The following HIVEP3 variants were observed in gnomAD, a reference collection of about 807,000 sequenced individuals.
HIVEP3 encodes the protein transcription factor HIVEP3.
A neutral mutation model predicts 152.8 loss-of-function variants in HIVEP3; 49 were observed. That is an observed-to-expected ratio of 0.32 (90% CI 0.26 to 0.41). The LOEUF (loss-of-function observed/expected upper bound fraction) is 0.41. Among genes scored for constraint, HIVEP3 ranks in the 10% least tolerant of loss-of-function variants. HIVEP3 has a pLI of 1.00. For missense variants in HIVEP3, 2,790 were observed against 3,103.3 expected, an observed-to-expected ratio of 0.90 and a Z score of 2.40; for synonymous variants, 1,269 against 1,289.0, an observed-to-expected ratio of 0.98 and a Z score of 0.33.
intron 5 of HIVEP3, among the ~76,000 whole-genome samples, chr1:41,561,890 C>T (rs1001925): frequency 0.21 from 32,390 of 151,978 alleles, 3,599 homozygotes; most frequent in Non-Finnish European, 0.27. Context: ...TATGATGTGC[C>T]GTCCACACAT....
chr1:41,599,143 G>T (rs558284924), intron 3 of HIVEP3, among the ~76,000 whole-genome samples: 3 of 152,158 alleles, frequency 2.0e-5, no homozygotes, highest in Non-Finnish European at 4.4e-5. Flanking sequence ...CAAGAAAAAT[G>T]CATCTGATAG....
At chr1:41,642,175 C>T (rs1645383993) in intron 2 of HIVEP3, among the ~76,000 whole-genome samples, 1 of 152,242 alleles carries the variant, frequency 6.6e-6, no homozygotes, top group Non-Finnish European at 1.5e-5. Context: ...GCCCAGCCCA[C>T]CGATCCATAG....
At chr1:41,694,801 A>G (rs1646247985) in intron 2 of HIVEP3, among the ~76,000 whole-genome samples, 1 of 152,088 alleles carries the variant, frequency 6.6e-6, no homozygotes. Flanking sequence ...AAGATACAAC[A>G]CCCTGAAAGT....
chr1:41,582,471 C>T lies in HIVEP3; in HGVS notation c.2327G>A (p.Arg776Lys). ...SLEGPTGFQP[R>K]TPKPGSGSES... ...TGAACCGGACCCTGGCTTGGGAGTC[C>T]TTGGCTGGAAGCCCGTGGGTCCCTC... The change falls in exon 4 of 9, where the codon AGG becomes AAG. Residue 776 changes from arginine to lysine, a missense_variant. Arg to Lys is a conservative substitution (Grantham distance 26). This residue lies in a region of HIVEP3 where 339 missense variants were observed against 327.0 expected (regional missense o/e 1.04). Coordinates refer to ENST00000372583, the MANE Select transcript of HIVEP3 (RefSeq NM_024503.5). This position sits in a 1 kb window ranked among gnomAD's most constrained non-coding sequence, Gnocchi z 4.7. 6.2e-7 allele frequency: 1 copy of T among 1,613,468 alleles called. No homozygotes were observed. The highest frequency in any genetic ancestry group is 8.5e-7 in the Non-Finnish European group (1 of 1,179,466).
upstream of HIVEP3, among the ~76,000 whole-genome samples, chr1:41,920,577 GT>G (rs10708045): frequency 0.33 from 40,813 of 122,894 alleles, 7,132 homozygotes; most frequent in African/African-American, 0.52. Context: ...AAACAAGATG[GT>G]TTTTTTTTTT....
In HIVEP3 at chr1:41,579,419, A is replaced by C. The variant is rs530512437; in HGVS notation, c.5061+318T>G. Among the ~76,000 whole-genome samples the C allele has an allele frequency of 8.3e-4, 127 of 152,114 alleles. 1 individual carries two copies. The highest frequency in any genetic ancestry group is 2.6e-3 in the African/African-American group (107 of 41,334). On this transcript the variant is annotated intron_variant, in intron 4 of 8. Coordinates refer to ENST00000372583, the MANE Select transcript of HIVEP3 (RefSeq NM_024503.5). Reference sequence around the variant, plus strand: ...TCCTGTTAGCCAAGTTTTCCAACTCAGTCTTTTGGAAAATTTCTTTTTTTT... The same window carrying C: ...TCCTGTTAGCCAAGTTTTCCAACTCCGTCTTTTGGAAAATTTCTTTTTTTT...
At chr1:41,930,846 G>A (rs1198085536) in intron 1 of HIVEP3, among the ~76,000 whole-genome samples, 1 of 151,924 alleles carries the variant, frequency 6.6e-6, no homozygotes. Context: ...AGTTCATTGT[G>A]GTTTTAACTT....
chr1:41,617,758 G>C (rs74383844), intron 3 of HIVEP3, among the ~76,000 whole-genome samples: 3,717 of 152,308 alleles, frequency 0.024, 159 homozygotes, highest in African/African-American at 0.085. Flanking sequence ...TCCTGAGAAA[G>C]AGACCCTTTG....
At chr1:41,695,850 C>T (rs570741406) in intron 2 of HIVEP3, among the ~76,000 whole-genome samples, 10 of 152,306 alleles carry the variant, frequency 6.6e-5, no homozygotes, top group South Asian at 6.2e-4. Context: ...ATAATCCCAA[C>T]GTAAGGAATC....
intron 1 of HIVEP3, among the ~76,000 whole-genome samples, chr1:41,977,315 G>A (rs949546590): frequency 6.6e-6 from 1 of 152,160 alleles, no homozygotes; most frequent in Non-Finnish European, 1.5e-5. Flanking sequence ...AGAGGCTCCA[G>A]GTGGTTCTTC....
intron 1 of HIVEP3, among the ~76,000 whole-genome samples, chr1:41,888,326 A>G (rs1644383900): frequency 6.7e-6 from 1 of 150,374 alleles, no homozygotes; most frequent in South Asian, 2.1e-4. Context: ...TGCTCGGATT[A>G]CAGGCATGAG....
At chr1:41,921,320 A>T (rs938339229), upstream of HIVEP3, among the ~76,000 whole-genome samples, 1 of 152,222 alleles carries the variant, frequency 6.6e-6, no homozygotes, top group Non-Finnish European at 1.5e-5. Context: ...AGTTCCCATA[A>T]TCCCCACATG....
intron 1 of HIVEP3, among the ~76,000 whole-genome samples, chr1:41,702,246 G>C (rs1024375186): frequency 3.7e-4 from 56 of 152,224 alleles, no homozygotes; most frequent in African/African-American, 1.1e-3. Flanking sequence ...AGCAGCAGCA[G>C]CACCACCACC....
At chr1:41,833,278 G>T (rs1336526651) in intron 1 of HIVEP3, among the ~76,000 whole-genome samples, 2 of 152,156 alleles carry the variant, frequency 1.3e-5, no homozygotes, top group Non-Finnish European at 2.9e-5. Context: ...TTTTGTTCTT[G>T]ACATTAATTT....
chr1:41,647,544 T>A (rs7541348), intron 2 of HIVEP3, among the ~76,000 whole-genome samples: 1 of 152,022 alleles, frequency 6.6e-6, no homozygotes, highest in Non-Finnish European at 1.5e-5. Context: ...CCTTCTCCAC[T>A]CTCCCCATCA....
chr1:41,857,311 T>G (rs1194739565), intron 1 of HIVEP3, among the ~76,000 whole-genome samples: 2 of 152,174 alleles, frequency 1.3e-5, no homozygotes, highest in Admixed American at 6.5e-5. Context: ...GAGTTATTTG[T>G]ACTACAGAAA....
intron 1 of HIVEP3, among the ~76,000 whole-genome samples, chr1:41,967,770 T>C (rs1243120139): frequency 6.6e-6 from 1 of 152,110 alleles, no homozygotes; most frequent in Non-Finnish European, 1.5e-5. Context: ...GAGCTGTTTT[T>C]CTGAAAAACT....
chr1:42,016,982 C>A (rs183999884), intron 1 of HIVEP3, among the ~76,000 whole-genome samples: 2 of 152,130 alleles, frequency 1.3e-5, no homozygotes, highest in Admixed American at 1.3e-4. Flanking sequence ...GCTGTAGAAA[C>A]AAATTATTCT....
intron 1 of HIVEP3, among the ~76,000 whole-genome samples, chr1:41,701,453 T>G (rs1360387349): frequency 2.0e-5 from 3 of 152,216 alleles, no homozygotes; most frequent in Non-Finnish European, 2.9e-5. Context: ...AGTCTCTGAG[T>G]GTGACAGCCT....
Sources: gnomAD v4.1 joint callset for allele counts (sites outside exome capture counted in the v4.1 genomes callset) on GRCh38, gnomAD v4.1.1 for gene constraint, gnomAD v4.1.1 regional missense constraint, Gnocchi (gnomAD v3.1) non-coding constraint, MANE v1.5 for transcripts, NCBI Gene and HGNC (gene_info 2026-07-23, HGNC 2026-07-21) for gene names.